The following FNIP2 variants were observed in gnomAD, a reference collection of about 807,000 sequenced individuals.
The protein encoded by FNIP2 is folliculin interacting protein 2, also known as folliculin-interacting protein 2.
Under a neutral mutation model 108.7 loss-of-function variants are expected in FNIP2, and 32 were observed. The ratio of observed to expected loss-of-function variants is 0.29; its 90% CI spans 0.22 to 0.40. The LOEUF (loss-of-function observed/expected upper bound fraction) is 0.40. FNIP2 is among the 10% of genes least tolerant of loss of function. The pLI, the probability that FNIP2 is intolerant of heterozygous loss-of-function variation, is 1.00. For missense variants in FNIP2, 1,202 were observed against 1,381.6 expected (o/e 0.87, Z 2.06); for synonymous variants, 480 against 496.7 (o/e 0.97, Z 0.45).
chr4:158,897,656 G>C (rs566830611), intron 16 of FNIP2, among the ~76,000 whole-genome samples: 1 of 152,212 alleles, frequency 6.6e-6, no homozygotes, highest in South Asian at 2.1e-4. Flanking sequence ...AGAAGTGTCT[G>C]TTCATATCCT....
intron 2 of FNIP2, among the ~76,000 whole-genome samples, 176 bp downstream of exon 2, chr4:158,826,218 C>T (rs1410995027): frequency 1.3e-5 from 2 of 152,196 alleles, no homozygotes; most frequent in Non-Finnish European, 2.9e-5. Context: ...CCCCAACAGG[C>T]ATGAGTATGC....
chr4:158,793,893 ACTATT>A (rs1389652061), intron 1 of FNIP2, among the ~76,000 whole-genome samples: 2 of 152,148 alleles, frequency 1.3e-5, no homozygotes, highest in African/African-American at 4.8e-5. Flanking sequence ...CTTGTACCCT[ACTATT>A]GTCATTTATG....
In FNIP2 at chr4:158,850,508, G is replaced by C. The variant is rs1779638125; in HGVS notation, c.728-813G>C. 2.6e-5 allele frequency among the ~76,000 whole-genome samples: 4 copies of C among 151,380 alleles called. No homozygotes were observed. The South Asian group carries it at 8.4e-4, about 32-fold the overall frequency. ...TCAGCTCATACTTCCTGAGACACAG[G>C]TGTAGGCATCTAATATGTAGCAGGA... On this transcript the variant is annotated intron_variant, in intron 7 of 16. Transcript: ENST00000264433.
At chr4:158,844,750 T>C (rs1189088054) in intron 7 of FNIP2, among the ~76,000 whole-genome samples, 8 of 152,272 alleles carry the variant, frequency 5.3e-5, no homozygotes, top group Non-Finnish European at 1.2e-4. Flanking sequence ...TGGTCAAATC[T>C]AAATTCTTTC....
At position 158,870,422 on chromosome 4, in the gene FNIP2, G is replaced by C; in HGVS notation, c.2902G>C (p.Glu968Gln). The C allele has an allele frequency of 6.2e-7, 1 of 1,614,010 alleles. No individual in the cohort carries two copies. Among genetic ancestry groups the C allele is most frequent in the Non-Finnish European group, 8.5e-7 (1 of 1,179,874 alleles). The change falls in exon 14 of 17, where the codon GAG becomes CAG. Residue 968 changes from glutamate to glutamine, a missense_variant. Transcript: ENST00000264433. ...DLVLHGTGSDEKLKQCLVADL... is the reference protein window; with the variant it reads ...DLVLHGTGSDQKLKQCLVADL... The stretch of plus-strand genomic sequence containing the variant: ...TGTGCTTCATGGGACCGGCAGTGAT[G>C]AGAAGCTGAAGCAGTGCCTGGTGGC...
Position 158,868,157 on chromosome 4 carries a change from A to G in FNIP2, c.1521A>G (p.Val507=). 1 of 1,614,042 alleles carries G rather than the reference A, an allele frequency of 6.2e-7. No homozygotes were observed. The highest frequency in any genetic ancestry group is 8.5e-7 in the Non-Finnish European group (1 of 1,179,886). The change falls in exon 13 of 17, where the codon GTA becomes GTG. Residue 507 remains valine (V), a synonymous_variant. Coordinates refer to ENST00000264433, the MANE Select transcript of FNIP2 (RefSeq NM_020840.3). This position sits in a 1 kb window ranked among gnomAD's most constrained non-coding sequence, Gnocchi z 4.6. Reference sequence around the variant, plus strand: ...TGAGACTGACTCGCACCGTAGTGGTAGGGAAGCAGAAGGACTTAGTCCAGC... The same window carrying G: ...TGAGACTGACTCGCACCGTAGTGGTGGGGAAGCAGAAGGACTTAGTCCAGC... ...SPVRLTRTVV[V]GKQKDLVQRI...
intron 3 of FNIP2, among the ~76,000 whole-genome samples, 167 bp downstream of exon 3, chr4:158,829,392 G>T (rs554979225): frequency 1.3e-5 from 2 of 152,204 alleles, no homozygotes; most frequent in Admixed American, 1.3e-4. Context: ...TTGCTCTTTG[G>T]CTTTTATCTC....
rs1231072595 is a variant in FNIP2, at chr4:158,773,959, G to A, written c.107+4640G>A. Among the ~76,000 whole-genome samples, 11 of 152,132 alleles carry A rather than the reference G, an allele frequency of 7.2e-5. No individual in the cohort carries two copies. In the East Asian group the frequency reaches 1.9e-3, roughly 27 times the overall value. ...GAAATTGGTTAAGCAAAATGATATA[G>A]TCACACAATGGATGACATTCTATAG... On this transcript the variant is annotated intron_variant, in intron 1 of 16. Transcript: ENST00000264433.
chr4:158,854,012 T>C (rs1036477123), intron 8 of FNIP2, among the ~76,000 whole-genome samples: 2 of 152,250 alleles, frequency 1.3e-5, no homozygotes, highest in Admixed American at 1.3e-4. Context: ...TGAAGCTTCA[T>C]ATGAAAACAG....
chr4:158,863,264 A>T (rs576162622), intron 12 of FNIP2, among the ~76,000 whole-genome samples: 2 of 152,246 alleles, frequency 1.3e-5, no homozygotes, highest in African/African-American at 4.8e-5. Context: ...ATAATTTGAC[A>T]GGTAGAAGCA....
chr4:158,876,287 C>G (rs1257870341), intron 14 of FNIP2, among the ~76,000 whole-genome samples: 1 of 152,200 alleles, frequency 6.6e-6, no homozygotes, highest in African/African-American at 2.4e-5. Context: ...AGAGGACTTT[C>G]TAAAGCATGA....
chr4:158,830,419 C>T (rs1396954201), intron 3 of FNIP2, among the ~76,000 whole-genome samples: 3 of 151,558 alleles, frequency 2.0e-5, no homozygotes, highest in Admixed American at 6.6e-5. Flanking sequence ...CCCGCCACCG[C>T]GCCCGGCTAA....
intron 14 of FNIP2, among the ~76,000 whole-genome samples, chr4:158,873,719 A>G (rs767333654): frequency 6.6e-6 from 1 of 152,206 alleles, no homozygotes; most frequent in Admixed American, 6.5e-5. Context: ...TTAAACACGT[A>G]TTCTTGTTTA....
At chr4:158,840,157 C>T (rs1779042980) in intron 7 of FNIP2, among the ~76,000 whole-genome samples, 1 of 152,142 alleles carries the variant, frequency 6.6e-6, no homozygotes, top group South Asian at 2.1e-4. Flanking sequence ...ACCAAGGATG[C>T]ATCTCCAGTT....
chr4:158,873,719 A>C (rs767333654), intron 14 of FNIP2, among the ~76,000 whole-genome samples: 2 of 152,206 alleles, frequency 1.3e-5, no homozygotes, highest in African/African-American at 4.8e-5. Flanking sequence ...TTAAACACGT[A>C]TTCTTGTTTA....
chr4:158,777,204 A>G (rs1016448707), intron 1 of FNIP2, among the ~76,000 whole-genome samples: 5 of 152,244 alleles, frequency 3.3e-5, no homozygotes, highest in East Asian at 1.9e-4. Context: ...TCTTCTCTAT[A>G]TACTTTTCAG....
intron 1 of FNIP2, among the ~76,000 whole-genome samples, chr4:158,813,026 TAC>T (rs1437482456): frequency 6.6e-6 from 1 of 152,086 alleles, no homozygotes; most frequent in African/African-American, 2.4e-5. Context: ...CACTTAGAAA[TAC>T]ACATTCAAGG....
intron 14 of FNIP2, chr4:158,872,583 G>A: frequency 7.1e-6 from 7 of 985,040 alleles, no homozygotes; most frequent in Non-Finnish European, 8.4e-6. Context: ...AATTCCAAAG[G>A]GTTCATAAAA....
intron 14 of FNIP2, chr4:158,872,715 C>T (rs953516438): frequency 1.8e-5 from 18 of 982,276 alleles, no homozygotes; most frequent in African/African-American, 1.2e-4. Context: ...TTTAAACTGG[C>T]GCTCTGGTCT....
Sources: gnomAD v4.1 joint callset for allele counts (sites outside exome capture counted in the v4.1 genomes callset) on GRCh38, gnomAD v4.1.1 for gene constraint, Gnocchi (gnomAD v3.1) non-coding constraint, MANE v1.5 for transcripts, NCBI Gene and HGNC (gene_info 2026-07-23, HGNC 2026-07-21) for gene names.